Variants in RARB observed in about 807,000 individuals in gnomAD.
RARB encodes retinoic acid receptor beta.
RARB carries 17 observed loss-of-function variants against 51.9 expected under a neutral mutation model. The observed-to-expected ratio is 0.33, with a 90% CI of 0.22 to 0.49. RARB has a LOEUF of 0.49. RARB is among the 20% of genes least tolerant of loss of function. The pLI is 0.99. For missense variants in RARB, 369 were observed against 550.8 expected (o/e 0.67, Z 3.30); for synonymous variants, 215 against 195.4 (o/e 1.10, Z -0.84).
At chr3:25,105,337 T>G (rs1049112922) in intron 3 of RARB, among the ~76,000 whole-genome samples, 1 of 147,004 alleles carries the variant, frequency 6.8e-6, no homozygotes, top group Admixed American at 6.9e-5. Context: ...AGTAAAAAGA[T>G]AGTAAAACGA....
chr3:25,505,231 GT>G (rs1459471792), intron 3 of RARB, among the ~76,000 whole-genome samples: 11 of 152,248 alleles, frequency 7.2e-5, no homozygotes, highest in African/African-American at 2.6e-4. Flanking sequence ...AGGTAACACA[GT>G]TAGTAAGGGG....
intron 5 of RARB, among the ~76,000 whole-genome samples, chr3:25,216,009 T>G (rs529814743): frequency 6.6e-6 from 1 of 152,348 alleles, no homozygotes; most frequent in South Asian, 2.1e-4. Flanking sequence ...CTCAAGGGCA[T>G]GGACTAATGC....
chr3:25,275,782 AGGGAGGG>A (rs1703367962), intron 5 of RARB, among the ~76,000 whole-genome samples: 1 of 136,090 alleles, frequency 7.3e-6, no homozygotes, highest in African/African-American at 2.7e-5. Flanking sequence ...CGTGGGGTGG[AGGGAGGG>A]GGGAGGGATA....
rs570480310 is a variant in RARB at position 25,216,938 on chromosome 3, A to T, written c.178+42363A>T. Among the ~76,000 whole-genome samples, 13 of 152,030 alleles carry T rather than the reference A, an allele frequency of 8.6e-5. No individual in the cohort carries two copies. The South Asian group carries it at 2.3e-3, about 27-fold the overall frequency. ...GTAGAGTCCCATCTTTCTCTGGCCT[A>T]TGTATTTTTTACAAATTGGTAGTTG... On this transcript the variant is annotated intron_variant, in intron 5 of 11. Transcript: ENST00000383772.
At chr3:25,196,639 T>C (rs960371335) in intron 5 of RARB, among the ~76,000 whole-genome samples, 5 of 152,300 alleles carry the variant, frequency 3.3e-5, no homozygotes, top group African/African-American at 1.2e-4. Flanking sequence ...TCTTGAGGAA[T>C]CGCCACACTG....
At chr3:25,130,915 T>TTATCAATATTATTGATAA (rs1559477495) in intron 3 of RARB, among the ~76,000 whole-genome samples, 6 of 23,132 alleles carry the variant, frequency 2.6e-4, no homozygotes, top group South Asian at 1.4e-3. Context: ...ATTGATAATA[T>TTATCAATATTATTGATAA]TATCAATATT....
At chr3:25,567,809 GCC>G (rs918392898) in intron 3 of RARB, among the ~76,000 whole-genome samples, 3 of 152,138 alleles carry the variant, frequency 2.0e-5, no homozygotes, top group Admixed American at 1.3e-4. Flanking sequence ...ATTGGCAGAG[GCC>G]GAGGAAAAGA....
chr3:24,942,492 CAT>C (rs1695688055), intron 2 of RARB, among the ~76,000 whole-genome samples: 1 of 152,048 alleles, frequency 6.6e-6, no homozygotes, highest in African/African-American at 2.4e-5. Flanking sequence ...GCTAACTAAC[CAT>C]GAAGTTTTAA....
At chr3:25,501,434 G>A in intron 3 of RARB, 111 bp downstream of exon 3, 1 of 1,361,542 alleles carries the variant, frequency 7.3e-7, no homozygotes, top group Non-Finnish European at 9.9e-7. Context: ...CTTGCCAAGG[G>A]TAGGTGTGAA....
chr3:24,960,956 G>A (rs1181862913), intron 2 of RARB, among the ~76,000 whole-genome samples: 2 of 152,164 alleles, frequency 1.3e-5, no homozygotes, highest in Admixed American at 6.5e-5. Context: ...GGTAACTAGT[G>A]GCGGGGCCTG....
chr3:24,897,129 G>A (rs1018042529), intron 2 of RARB, among the ~76,000 whole-genome samples: 3 of 152,142 alleles, frequency 2.0e-5, no homozygotes, highest in African/African-American at 2.4e-5. Context: ...AGCCAGCATC[G>A]TGCCCTGTCT....
At chr3:25,500,591 TGCCTCAGCC>T (rs1011294347) in intron 2 of RARB, among the ~76,000 whole-genome samples, 2 of 151,144 alleles carry the variant, frequency 1.3e-5, no homozygotes, top group Admixed American at 1.3e-4. Flanking sequence ...GCAATTCTCC[TGCCTCAGCC>T]TCCCAAGGGC....
chr3:24,882,411 C>A (rs1222411914), intron 2 of RARB, among the ~76,000 whole-genome samples: 3 of 152,218 alleles, frequency 2.0e-5, no homozygotes, highest in South Asian at 2.1e-4. Flanking sequence ...TATAAGCAAT[C>A]TAGAGATGAT....
At chr3:24,841,987 C>T (rs1353143983) in intron 1 of RARB, among the ~76,000 whole-genome samples, 1 of 152,034 alleles carries the variant, frequency 6.6e-6, no homozygotes, top group Non-Finnish European at 1.5e-5. Context: ...AAAATATATT[C>T]CTGGACCCCT....
intron 3 of RARB, among the ~76,000 whole-genome samples, chr3:25,076,326 A>G (rs1295062411): frequency 6.6e-6 from 1 of 152,124 alleles, no homozygotes; most frequent in Non-Finnish European, 1.5e-5. Flanking sequence ...ATTTTAGTAG[A>G]AATGGGGTTT....
At chr3:25,207,629 A>C (rs1701582953) in intron 5 of RARB, among the ~76,000 whole-genome samples, 2 of 152,298 alleles carry the variant, frequency 1.3e-5, no homozygotes, top group Admixed American at 6.5e-5. Context: ...TCATTTACTT[A>C]ATTATTTAAT....
At chr3:25,485,098 C>A (rs1696398185) in intron 2 of RARB, among the ~76,000 whole-genome samples, 1 of 152,146 alleles carries the variant, frequency 6.6e-6, no homozygotes, top group Non-Finnish European at 1.5e-5. Flanking sequence ...AAATTATTTT[C>A]TTTTACTGTC....
intron 5 of RARB, among the ~76,000 whole-genome samples, chr3:25,209,892 CCT>C (rs1701648676): frequency 6.6e-6 from 1 of 152,170 alleles, no homozygotes; most frequent in Admixed American, 6.5e-5. Flanking sequence ...GGGAAGCTCT[CCT>C]CTGCCATCTT....
At chr3:25,163,138 A>G (rs1203905069) in intron 4 of RARB, among the ~76,000 whole-genome samples, 2 of 152,176 alleles carry the variant, frequency 1.3e-5, no homozygotes, top group African/African-American at 2.4e-5. Flanking sequence ...ATTATGTGTC[A>G]GGATAAGGAT....
Sources: gnomAD v4.1 joint callset for allele counts (sites outside exome capture counted in the v4.1 genomes callset) on GRCh38, gnomAD v4.1.1 for gene constraint, MANE v1.5 for transcripts, NCBI Gene and HGNC (gene_info 2026-07-23, HGNC 2026-07-21) for gene names.